The following RANBP2 variants were observed in gnomAD, a reference collection of about 807,000 sequenced individuals.
The protein encoded by RANBP2 is RAN binding protein 2, also known as E3 SUMO-protein ligase RanBP2.
In RANBP2, 57 loss-of-function variants were observed where a neutral mutation model predicts 303.6. The ratio of observed to expected loss-of-function variants is 0.19; its 90% CI spans 0.15 to 0.23. RANBP2 has a LOEUF of 0.23. Ranked by LOEUF, RANBP2 falls within the 10% of genes least tolerant of loss-of-function variation. RANBP2 has a pLI of 1.00. For missense variants in RANBP2, 3,138 were observed against 3,780.8 expected (o/e 0.83, Z 4.46); for synonymous variants, 1,167 against 1,301.5 (o/e 0.90, Z 2.23).
At chr2:109,155,924 C>T in the RANBP2 span, among the ~76,000 whole-genome samples, 6 of 152,174 alleles carry the variant, frequency 3.9e-5, no homozygotes, top group East Asian at 1.9e-4. Flanking sequence ...TGTATTGGAT[C>T]GGGCTAAGGT....
chr2:109,379,976 G>A, the RANBP2 span, among the ~76,000 whole-genome samples: 1 of 152,108 alleles, frequency 6.6e-6, no homozygotes, highest in African/African-American at 2.4e-5. Flanking sequence ...GTAACCCACT[G>A]TTTCCCTTAC....
At chr2:109,126,062 G>A in the RANBP2 span, among the ~76,000 whole-genome samples, 8 of 152,212 alleles carry the variant, frequency 5.3e-5, no homozygotes, top group Non-Finnish European at 8.8e-5. Flanking sequence ...ACATTTGGTC[G>A]TCATTCCCCC....
At chr2:108,786,075 A>G (rs1390478082), downstream of RANBP2, among the ~76,000 whole-genome samples, 1 of 152,076 alleles carries the variant, frequency 6.6e-6, no homozygotes, top group African/African-American at 2.4e-5. Flanking sequence ...GTTGATGTAT[A>G]CTATGTACTA....
At chr2:109,688,047 G>C in the RANBP2 span, among the ~76,000 whole-genome samples, 4 of 152,274 alleles carry the variant, frequency 2.6e-5, no homozygotes, top group East Asian at 7.7e-4. Context: ...GGAGAGGGTG[G>C]TAAGACAGAA....
the RANBP2 span, chr2:109,614,384 C>A: frequency 2.2e-6 from 2 of 911,964 alleles, no homozygotes; most frequent in African/African-American, 1.7e-5. Context: ...GCTGGCAGCC[C>A]GCTGAGCCCG....
the RANBP2 span, among the ~76,000 whole-genome samples, chr2:109,163,491 C>T: frequency 6.8e-6 from 1 of 146,638 alleles, no homozygotes. Flanking sequence ...CTCCGCCTCC[C>T]GGGTTCACGC....
At chr2:108,890,033 G>A in the RANBP2 span, among the ~76,000 whole-genome samples, 1 of 151,934 alleles carries the variant, frequency 6.6e-6, no homozygotes, top group Non-Finnish European at 1.5e-5. Flanking sequence ...GTCGTCTAGT[G>A]GTAATGAATT....
At chr2:109,173,924 A>G in the RANBP2 span, among the ~76,000 whole-genome samples, 3 of 152,228 alleles carry the variant, frequency 2.0e-5, no homozygotes, top group Non-Finnish European at 2.9e-5. Context: ...GTGTGGGCCA[A>G]TTCTTATGCC....
At chr2:108,968,949 C>T in the RANBP2 span, among the ~76,000 whole-genome samples, 1 of 152,206 alleles carries the variant, frequency 6.6e-6, no homozygotes, top group South Asian at 2.1e-4. Context: ...TGTAAGACTT[C>T]ACTGCTCTGT....
the RANBP2 span, among the ~76,000 whole-genome samples, chr2:109,542,026 A>T: frequency 2.6e-5 from 4 of 152,234 alleles, no homozygotes; most frequent in Non-Finnish European, 5.9e-5. Flanking sequence ...AGGGCTTTAA[A>T]AGTCGGAGGG....
At chr2:109,361,508 C>G in the RANBP2 span, among the ~76,000 whole-genome samples, 6 of 152,174 alleles carry the variant, frequency 3.9e-5, no homozygotes, top group African/African-American at 1.2e-4. Context: ...GAGTCTCGCT[C>G]TGTCACCCAG....
the RANBP2 span, among the ~76,000 whole-genome samples, chr2:109,180,273 TTCTC>T: frequency 1.3e-5 from 2 of 152,202 alleles, no homozygotes; most frequent in Non-Finnish European, 2.9e-5. Context: ...CAATCTCTGC[TTCTC>T]TCTGAGTCCG....
At chr2:108,951,587 C>T in the RANBP2 span, among the ~76,000 whole-genome samples, 1 of 152,056 alleles carries the variant, frequency 6.6e-6, no homozygotes, top group Non-Finnish European at 1.5e-5. Flanking sequence ...TAGATATTGG[C>T]ACAGGGATAA....
the RANBP2 span, among the ~76,000 whole-genome samples, chr2:109,216,153 G>A: frequency 0.017 from 2,612 of 152,254 alleles, 37 homozygotes; most frequent in Non-Finnish European, 0.027. Flanking sequence ...GCATCGGTGG[G>A]GAGTGAGTCG....
At chr2:108,925,099 G>A in the RANBP2 span, among the ~76,000 whole-genome samples, 2 of 151,814 alleles carry the variant, frequency 1.3e-5, no homozygotes, top group East Asian at 3.9e-4. Flanking sequence ...CCCGCTCCTG[G>A]GCTGGGAGGC....
At chr2:109,471,494 C>T in the RANBP2 span, among the ~76,000 whole-genome samples, 1 of 152,168 alleles carries the variant, frequency 6.6e-6, no homozygotes, top group Admixed American at 6.5e-5. Context: ...CCCCTCCCTC[C>T]AGGTCCCTCT....
chr2:109,684,275 T>C, the RANBP2 span, among the ~76,000 whole-genome samples: 34,160 of 96,442 alleles, frequency 0.35, 4,934 homozygotes, highest in Admixed American at 0.45. Context: ...AGCGTCTCCC[T>C]CTGTCGCCCA....
chr2:109,428,942 A>G, the RANBP2 span, among the ~76,000 whole-genome samples: 1 of 152,180 alleles, frequency 6.6e-6, no homozygotes, highest in African/African-American at 2.4e-5. Context: ...GCATGTGTCT[A>G]CGAAGACTGG....
At chr2:109,351,635 G>A in the RANBP2 span, among the ~76,000 whole-genome samples, 5 of 152,254 alleles carry the variant, frequency 3.3e-5, no homozygotes, top group African/African-American at 2.4e-5. Context: ...GGGATGCTCA[G>A]GAATCCTCAG....
Sources: gnomAD v4.1 joint callset for allele counts (sites outside exome capture counted in the v4.1 genomes callset) on GRCh38, gnomAD v4.1.1 for gene constraint, MANE v1.5 for transcripts, NCBI Gene and HGNC (gene_info 2026-07-23, HGNC 2026-07-21) for gene names.